GPC6: variants seen among roughly 807,000 people sequenced by gnomAD.
GPC6 encodes the protein glypican-6.
GPC6 carries 14 observed loss-of-function variants against 55.2 expected under a neutral mutation model. That is an observed-to-expected ratio of 0.25 (90% CI 0.17 to 0.40). The LOEUF (loss-of-function observed/expected upper bound fraction) is 0.40. GPC6 is among the 10% of genes least tolerant of loss of function. The pLI is 1.00. For missense variants in GPC6, 641 were observed against 708.5 expected, an observed-to-expected ratio of 0.90 and a Z score of 1.08; for synonymous variants, 278 against 259.6, an observed-to-expected ratio of 1.07 and a Z score of -0.68.
At chr13:94,380,278 T>C (rs1880102632) in intron 6 of GPC6, among the ~76,000 whole-genome samples, 1 of 152,184 alleles carries the variant, frequency 6.6e-6, no homozygotes, top group Non-Finnish European at 1.5e-5. Context: ...CAGATATAAA[T>C]ATAAAACATG....
chr13:93,874,506 T>C (rs1467603432), intron 3 of GPC6, among the ~76,000 whole-genome samples: 1 of 151,158 alleles, frequency 6.6e-6, no homozygotes, highest in Non-Finnish European at 1.5e-5. Flanking sequence ...GTAGCAGTCA[T>C]GTTTTAAAGT....
At chr13:93,769,302 A>G (rs1594441301) in intron 2 of GPC6, among the ~76,000 whole-genome samples, 1 of 152,294 alleles carries the variant, frequency 6.6e-6, no homozygotes, top group East Asian at 1.9e-4. Context: ...AGCAAGAAGG[A>G]ATGTACACGT....
intron 4 of GPC6, among the ~76,000 whole-genome samples, chr13:94,124,466 G>A (rs1042793587): frequency 6.6e-6 from 1 of 152,040 alleles, no homozygotes; most frequent in Non-Finnish European, 1.5e-5. Flanking sequence ...GAAGTGATGA[G>A]TCCATGTGGA....
At chr13:93,894,598 A>G (rs1442670105) in intron 3 of GPC6, among the ~76,000 whole-genome samples, 2 of 152,132 alleles carry the variant, frequency 1.3e-5, no homozygotes, top group Non-Finnish European at 2.9e-5. Flanking sequence ...TCCATGCTTT[A>G]TTTAATATTT....
intron 6 of GPC6, among the ~76,000 whole-genome samples, chr13:94,364,234 A>G (rs1879190793): frequency 6.6e-6 from 1 of 152,140 alleles, no homozygotes; most frequent in South Asian, 2.1e-4. Flanking sequence ...CTTGTAGGAG[A>G]CTAAGAGGAC....
intron 4 of GPC6, among the ~76,000 whole-genome samples, chr13:94,270,913 C>A (rs1185534424): frequency 3.4e-5 from 5 of 145,780 alleles, no homozygotes; most frequent in African/African-American, 1.3e-4. Flanking sequence ...TTCCCAGGGG[C>A]ACTTGTTTGT....
intron 2 of GPC6, among the ~76,000 whole-genome samples, chr13:93,699,388 G>A (rs1882592156): frequency 6.6e-6 from 1 of 152,124 alleles, no homozygotes; most frequent in Admixed American, 6.6e-5. Flanking sequence ...AGGGTAAAGG[G>A]AAGTGGAGTG....
upstream of GPC6, among the ~76,000 whole-genome samples, chr13:93,224,500 G>T (rs1351433116): frequency 6.6e-6 from 1 of 152,180 alleles, no homozygotes; most frequent in African/African-American, 2.4e-5. Flanking sequence ...GGCCTCGTTT[G>T]CTTCCTCTTG....
intron 1 of GPC6, among the ~76,000 whole-genome samples, chr13:93,279,567 T>C (rs1877875893): frequency 6.6e-6 from 1 of 152,216 alleles, no homozygotes; most frequent in South Asian, 2.1e-4. Flanking sequence ...GATACTCATA[T>C]TCTAGTGTGC....
chr13:94,119,588 G>A (rs563505985), intron 4 of GPC6, among the ~76,000 whole-genome samples: 3 of 152,228 alleles, frequency 2.0e-5, no homozygotes, highest in African/African-American at 7.2e-5. Context: ...CAACTTGGCT[G>A]AGGGCAGTGG....
intron 3 of GPC6, among the ~76,000 whole-genome samples, chr13:94,013,416 T>A (rs534917118): frequency 7.2e-5 from 11 of 152,288 alleles, no homozygotes; most frequent in African/African-American, 2.6e-4. Context: ...TATGGCGCGA[T>A]CTCAGCTCAC....
In GPC6 at chr13:94,067,227, G is replaced by A. The variant is rs1392831017; in HGVS notation, c.877+39333G>A. ...TATGGAATATATAATAACTGATTATGTATCAGATTGAAGCTTGAATAACTT... is the reference window on the plus strand; with the variant it reads ...TATGGAATATATAATAACTGATTATATATCAGATTGAAGCTTGAATAACTT... On this transcript the variant is annotated intron_variant, in intron 4 of 8. Transcript: ENST00000377047. 2.6e-5 allele frequency among the ~76,000 whole-genome samples: 4 copies of A among 152,134 alleles called. No individual in the cohort carries two copies. In the East Asian group the frequency reaches 5.8e-4, roughly 22 times the overall value.
At chr13:94,365,007 G>T (rs1001145898) in intron 6 of GPC6, among the ~76,000 whole-genome samples, 29 of 152,078 alleles carry the variant, frequency 1.9e-4, no homozygotes, top group African/African-American at 5.1e-4. Context: ...CGCTATTATT[G>T]AATACAACCA....
At chr13:93,762,366 G>C (rs1349520062) in intron 2 of GPC6, among the ~76,000 whole-genome samples, 1 of 152,166 alleles carries the variant, frequency 6.6e-6, no homozygotes, top group Non-Finnish European at 1.5e-5. Context: ...TCTGCTATTG[G>C]AAGCATAATG....
chr13:93,897,552 TA>T (rs1162839375), intron 3 of GPC6, among the ~76,000 whole-genome samples: 6 of 152,106 alleles, frequency 3.9e-5, no homozygotes, highest in African/African-American at 1.2e-4. Context: ...ATAAATGACT[TA>T]AAAAACTAGC....
intron 4 of GPC6, among the ~76,000 whole-genome samples, chr13:94,110,568 A>G (rs60615458): frequency 0.013 from 2,037 of 152,180 alleles, 58 homozygotes; most frequent in African/African-American, 0.047. Flanking sequence ...GAGGGGTTAG[A>G]AAATAACAGA....
chr13:94,010,949 G>A (rs1882220835), intron 3 of GPC6, among the ~76,000 whole-genome samples: 1 of 152,092 alleles, frequency 6.6e-6, no homozygotes. Context: ...AATAGAAATG[G>A]ACAAGAGCAT....
intron 1 of GPC6, among the ~76,000 whole-genome samples, chr13:93,523,787 C>G (rs184005839): frequency 2.0e-5 from 3 of 151,994 alleles, no homozygotes; most frequent in Non-Finnish European, 4.4e-5. Flanking sequence ...GAATTAACTT[C>G]CGAAAGCTTT....
In GPC6 at chr13:93,678,923, T is replaced by A. The variant is rs191944088; in HGVS notation, c.319+133502T>A. Among the ~76,000 whole-genome samples the A allele has an allele frequency of 1.5e-3, 222 of 152,296 alleles. 4 individuals are homozygous for A. The highest frequency in any genetic ancestry group is 3.5e-3 in the Admixed American group (53 of 15,290). ...GGGCTTGATTGGACCAATTTCAGTA[T>A]GAGCATCTCTACACTGTCTTTAACT... is the stretch of plus-strand genomic sequence containing the variant. On this transcript the variant is annotated intron_variant, in intron 2 of 8. Transcript: ENST00000377047.
Sources: gnomAD v4.1 joint callset for allele counts (sites outside exome capture counted in the v4.1 genomes callset) on GRCh38, gnomAD v4.1.1 for gene constraint, MANE v1.5 for transcripts, NCBI Gene and HGNC (gene_info 2026-07-23, HGNC 2026-07-21) for gene names.